YTHDC2: variants seen among roughly 807,000 people sequenced by gnomAD.
YTHDC2 encodes 3'-5' RNA helicase YTHDC2.
In YTHDC2, 45 loss-of-function variants were observed where a neutral mutation model predicts 174.9. The ratio of observed to expected loss-of-function variants is 0.26; its 90% CI spans 0.20 to 0.33. YTHDC2 has a LOEUF of 0.33. Among genes scored for constraint, YTHDC2 ranks in the 10% least tolerant of loss-of-function variants. The pLI, the probability that YTHDC2 is intolerant of heterozygous loss-of-function variation, is 1.00. For synonymous variants in YTHDC2, 657 were observed against 574.5 expected, an observed-to-expected ratio of 1.14 and a Z score of -2.05; for missense variants, 1,650 against 1,723.7, an observed-to-expected ratio of 0.96 and a Z score of 0.76.
intron 23 of YTHDC2, among the ~76,000 whole-genome samples, chr5:113,574,934 G>T (rs148369479): frequency 5.9e-5 from 9 of 152,168 alleles, no homozygotes; most frequent in Non-Finnish European, 1.0e-4. Flanking sequence ...GTGGTTTCCC[G>T]GGAGGGGTCA....
intron 10 of YTHDC2, among the ~76,000 whole-genome samples, chr5:113,543,215 G>A (rs114732129): frequency 0.016 from 2,381 of 152,152 alleles, 37 homozygotes; most frequent in Middle Eastern, 0.027. Context: ...ATGTCTGTTA[G>A]GTGAATAAAA....
intron 8 of YTHDC2, among the ~76,000 whole-genome samples, chr5:113,539,639 C>T (rs1029669070): frequency 1.3e-5 from 2 of 152,174 alleles, no homozygotes; most frequent in Admixed American, 6.5e-5. Context: ...CCTGTTAATA[C>T]GTCTCTTGTA....
rs374340645 is a variant in YTHDC2 at position 113,553,892 on chromosome 5, A to G, written c.2052+38A>G. ...AAATCTTCTTTTTAACACTTTCATT[A>G]GTTATTTTTTCTGTTTTTTTATTAA... On this transcript the variant is annotated intron_variant, in intron 15 of 29. Coordinates refer to ENST00000161863, the MANE Select transcript of YTHDC2 (RefSeq NM_022828.5). 8 of 1,584,444 alleles carry G rather than the reference A, an allele frequency of 5.0e-6. No homozygotes were observed. The African/African-American group carries it at 5.5e-5, about 11-fold the overall frequency.
intron 20 of YTHDC2, 104 bp downstream of exon 20, chr5:113,564,235 T>A: frequency 7.9e-7 from 1 of 1,268,760 alleles, no homozygotes. Flanking sequence ...AAAATTGCAT[T>A]AATTTTGTTT....
chr5:113,518,296 G>A (rs1773619453), intron 2 of YTHDC2, among the ~76,000 whole-genome samples: 1 of 151,152 alleles, frequency 6.6e-6, no homozygotes, highest in African/African-American at 2.4e-5. Context: ...CATCTCCCAG[G>A]CCCAATCAAT....
intron 7 of YTHDC2, among the ~76,000 whole-genome samples, chr5:113,538,426 T>C (rs377715379): frequency 2.6e-5 from 4 of 152,278 alleles, no homozygotes; most frequent in South Asian, 4.1e-4. Context: ...TTGAACGATA[T>C]CCCTCTCCAT....
chr5:113,579,385 T>TC (rs1168373338), intron 23 of YTHDC2, among the ~76,000 whole-genome samples: 4 of 152,268 alleles, frequency 2.6e-5, no homozygotes, highest in African/African-American at 9.6e-5. Context: ...TGAGACATTA[T>TC]AGTCTTCAAA....
rs796126659 is a variant in YTHDC2, at chr5:113,594,858, C to G, written c.*1384C>G. ...GTCAACATAAAATCTTGAGAACCTTCTACTTTCTCTGGGAAAGCATTATAT... is the reference window on the plus strand; with the variant it reads ...GTCAACATAAAATCTTGAGAACCTTGTACTTTCTCTGGGAAAGCATTATAT... On this transcript the variant is annotated 3_prime_UTR_variant, in exon 30 of 30. Transcript: ENST00000161863. 1.2e-4 allele frequency: 19 copies of G among 152,272 alleles called. No homozygotes were observed. Among genetic ancestry groups the G allele is most frequent in the African/African-American group, 4.3e-4 (18 of 41,570 alleles). The allele number at this position is 152,272 out of a possible 1,614,324, so 9.4% of individuals were successfully genotyped here.
At chr5:113,527,440 C>T (rs6869784) in intron 4 of YTHDC2, among the ~76,000 whole-genome samples, 2,223 of 152,154 alleles carry the variant, frequency 0.015, 60 homozygotes, top group African/African-American at 0.05. Context: ...TACATTCTTG[C>T]GGCATTTCAG....
chr5:113,519,449 TC>T (rs1359994336), intron 2 of YTHDC2, among the ~76,000 whole-genome samples: 3 of 152,220 alleles, frequency 2.0e-5, no homozygotes, highest in Non-Finnish European at 1.5e-5. Flanking sequence ...TCTCGATTTT[TC>T]TCAGTCCAAG....
At chr5:113,520,397 C>A (rs1484740562) in intron 2 of YTHDC2, among the ~76,000 whole-genome samples, 1 of 151,944 alleles carries the variant, frequency 6.6e-6, no homozygotes, top group African/African-American at 2.4e-5. Flanking sequence ...GTTTATCTTA[C>A]TTATGATCAT....
chr5:113,576,709 C>T (rs1184303080), intron 23 of YTHDC2, among the ~76,000 whole-genome samples: 1 of 151,936 alleles, frequency 6.6e-6, no homozygotes. Context: ...TTGTTTTTTT[C>T]ATCTTCTGCC....
chr5:113,562,275 T>G lies in YTHDC2; in HGVS notation c.2322+1090T>G, dbSNP rs1223603436. Reference sequence around the variant, plus strand: ...TGCCTGTATTAATTGTGGGTGTGTGTGGGTGTGTGTGTGTGTTTTAAGTTT... The same window carrying G: ...TGCCTGTATTAATTGTGGGTGTGTGGGGGTGTGTGTGTGTGTTTTAAGTTT... On this transcript the variant is annotated intron_variant, in intron 18 of 29. Transcript: ENST00000161863. 2.1e-5 allele frequency among the ~76,000 whole-genome samples: 3 copies of G among 146,128 alleles called. No homozygotes were observed. In the Admixed American group the frequency reaches 2.1e-4, roughly 10 times the overall value.
At chr5:113,519,509 A>G (rs1193983829) in intron 2 of YTHDC2, among the ~76,000 whole-genome samples, 1 of 152,196 alleles carries the variant, frequency 6.6e-6, no homozygotes. Flanking sequence ...AAATCTGTAG[A>G]ATGGGAAAAT....
At chr5:113,517,539 A>T (rs1773523670) in intron 2 of YTHDC2, 2 of 456,078 alleles carry the variant, frequency 4.4e-6, no homozygotes, top group East Asian at 6.9e-5. Flanking sequence ...TGGAGACAAA[A>T]ATGGGGAATG....
chr5:113,585,723 T>A (rs956716144), intron 26 of YTHDC2, among the ~76,000 whole-genome samples: 1 of 151,238 alleles, frequency 6.6e-6, no homozygotes, highest in Non-Finnish European at 1.5e-5. Context: ...CTTAATAGAA[T>A]CCTTTTGAAA....
chr5:113,572,196 T>C (rs1384011492), intron 23 of YTHDC2, among the ~76,000 whole-genome samples: 2 of 152,204 alleles, frequency 1.3e-5, no homozygotes, highest in Admixed American at 6.5e-5. Context: ...TTCAAATAAC[T>C]TCTTGATTTC....
rs562247752 is a variant in YTHDC2 at position 113,541,442 on chromosome 5, C to T, written c.1359+326C>T. On this transcript the variant is annotated intron_variant, in intron 9 of 29. Transcript: ENST00000161863. Reference sequence around the variant, plus strand: ...TCCTGATCTCGTGATCCACCCGCCTCGGCCTCCCAAAGTGCTGGGATTACA... The same window carrying T: ...TCCTGATCTCGTGATCCACCCGCCTTGGCCTCCCAAAGTGCTGGGATTACA... 1.3e-4 allele frequency among the ~76,000 whole-genome samples: 20 copies of T among 152,192 alleles called. No individual in the cohort carries two copies. The East Asian group carries it at 2.1e-3, about 16-fold the overall frequency.
intron 2 of YTHDC2, 45 bp downstream of exon 2, chr5:113,515,407 C>A (rs1422399294): frequency 2.0e-6 from 3 of 1,507,432 alleles, no homozygotes; most frequent in South Asian, 2.4e-5. Flanking sequence ...AGATTATTTG[C>A]CCAAAAAAGG....
Sources: allele counts gnomAD v4.1 joint callset (sites outside exome capture counted in the v4.1 genomes callset), GRCh38; gene constraint gnomAD v4.1.1; transcripts MANE v1.5; gene names NCBI Gene and HGNC (gene_info 2026-07-23, HGNC 2026-07-21).